Variants in PRKAR1B observed in about 807,000 individuals in gnomAD.
The protein encoded by PRKAR1B is protein kinase cAMP-dependent type I regulatory subunit beta.
PRKAR1B carries 22 observed loss-of-function variants against 46.5 expected under a neutral mutation model. The observed-to-expected ratio is 0.47, with a 90% confidence interval of 0.34 to 0.68. The LOEUF is 0.68. PRKAR1B is among the 30% of genes least tolerant of loss of function. The pLI, the probability that PRKAR1B is intolerant of heterozygous loss-of-function variation, is 0.01. For synonymous variants in PRKAR1B, 259 were observed against 217.7 expected (o/e 1.19, Z -1.67); for missense variants, 445 against 535.6 (o/e 0.83, Z 1.67).
intron 4 of PRKAR1B, among the ~76,000 whole-genome samples, chr7:617,659 C>T (rs1298418397): frequency 1.3e-5 from 2 of 152,160 alleles, no homozygotes; most frequent in African/African-American, 4.8e-5. Flanking sequence ...TCACCCTGGT[C>T]CATTCCAGAT....
intron 4 of PRKAR1B, among the ~76,000 whole-genome samples, chr7:633,008 C>T (rs973465353): frequency 9.2e-5 from 14 of 152,254 alleles, no homozygotes; most frequent in East Asian, 3.8e-4. Flanking sequence ...GCCAGGCGCG[C>T]GGGTCGTAGT....
chr7:556,782 C>A (rs2128422162), intron 9 of PRKAR1B, among the ~76,000 whole-genome samples: 1 of 152,352 alleles, frequency 6.6e-6, no homozygotes, highest in East Asian at 1.9e-4. Flanking sequence ...TCTCCAAACA[C>A]ACCCCAGTAG....
intron 9 of PRKAR1B, 64 bp downstream of exon 9, chr7:579,192 G>C: frequency 6.2e-7 from 1 of 1,611,486 alleles, no homozygotes; most frequent in Non-Finnish European, 8.5e-7. Flanking sequence ...TGGAAGAGGA[G>C]AAGGTAAGAA....
At chr7:692,259 A>G (rs533952060) in intron 2 of PRKAR1B, among the ~76,000 whole-genome samples, 1 of 152,222 alleles carries the variant, frequency 6.6e-6, no homozygotes, top group South Asian at 2.1e-4. Context: ...AATTAGCCAC[A>G]TGTGGTGGCG....
intron 1 of PRKAR1B, among the ~76,000 whole-genome samples, chr7:718,557 A>G (rs556469427): frequency 6.6e-6 from 1 of 151,914 alleles, no homozygotes; most frequent in South Asian, 2.1e-4. Flanking sequence ...GGGTTTGACC[A>G]TGTTGGCCAG....
intron 4 of PRKAR1B, among the ~76,000 whole-genome samples, chr7:622,541 C>T (rs534629724): frequency 6.6e-5 from 10 of 152,256 alleles, no homozygotes; most frequent in African/African-American, 2.2e-4. Flanking sequence ...CATGTCTGAT[C>T]TTTAGTTTTT....
At chr7:556,435 G>C (rs150296548) in intron 9 of PRKAR1B, among the ~76,000 whole-genome samples, 1,535 of 151,728 alleles carry the variant, frequency 0.01, 29 homozygotes, top group African/African-American at 0.035. Context: ...CGGATAATTA[G>C]AAGGGCCTCT....
At chr7:693,539 T>C (rs1036565343) in intron 2 of PRKAR1B, among the ~76,000 whole-genome samples, 6 of 152,148 alleles carry the variant, frequency 3.9e-5, no homozygotes, top group Non-Finnish European at 5.9e-5. Flanking sequence ...TTCACTGGCA[T>C]TACGTGTCCC....
intron 4 of PRKAR1B, among the ~76,000 whole-genome samples, chr7:626,719 C>CTT (rs1242823672): frequency 6.9e-6 from 1 of 144,442 alleles, no homozygotes; most frequent in Admixed American, 6.9e-5. Context: ...ATAAAGTGAA[C>CTT]TTTTTTTTTT....
intron 9 of PRKAR1B, among the ~76,000 whole-genome samples, chr7:558,708 C>T (rs896410314): frequency 9.3e-5 from 14 of 150,632 alleles, no homozygotes; most frequent in South Asian, 2.1e-4. Flanking sequence ...GCCGAGATTG[C>T]GCCACTGCAC....
At chr7:554,794 G>T (rs28459656) in intron 9 of PRKAR1B, among the ~76,000 whole-genome samples, 1 of 138,534 alleles carries the variant, frequency 7.2e-6, no homozygotes, top group African/African-American at 2.7e-5. Context: ...CCACAGAGCC[G>T]GAAGACAGGG....
At chr7:587,695 T>C (rs781288766) in intron 7 of PRKAR1B, among the ~76,000 whole-genome samples, 35 of 151,846 alleles carry the variant, frequency 2.3e-4, no homozygotes, top group African/African-American at 4.6e-4. Flanking sequence ...CGAGTGAGCA[T>C]AGGGGAGGCA....
chr7:682,065 G>A (rs1199032269), intron 2 of PRKAR1B, among the ~76,000 whole-genome samples: 1 of 152,050 alleles, frequency 6.6e-6, no homozygotes, highest in African/African-American at 2.4e-5. Context: ...GAAGAAGGGA[G>A]GAGGGAGCAG....
intron 4 of PRKAR1B, among the ~76,000 whole-genome samples, chr7:640,394 A>T (rs1459798901): frequency 6.6e-6 from 1 of 152,190 alleles, no homozygotes; most frequent in Admixed American, 6.6e-5. Context: ...CATTTTACCA[A>T]AGAAGTTAAA....
chr7:687,762 G>T (rs1021897909), intron 2 of PRKAR1B, among the ~76,000 whole-genome samples: 3 of 152,086 alleles, frequency 2.0e-5, no homozygotes, highest in African/African-American at 7.2e-5. Context: ...TAAACCGCAG[G>T]AGCTAAAGAC....
rs1783811086 is a variant in PRKAR1B, at chr7:632,458, G to A, written c.441-25006C>T. On this transcript the variant is annotated intron_variant, in intron 4 of 10. Coordinates refer to ENST00000537384, the MANE Select transcript of PRKAR1B (RefSeq NM_001164760.2). The stretch of plus-strand genomic sequence containing the variant: ...CGGGGGGGTCTTCCCACTGCCCCTG[G>A]CTCAGCTCAGGACGGCCACTGCGTC... Among the ~76,000 whole-genome samples, 3 of 152,206 alleles carry A rather than the reference G, an allele frequency of 2.0e-5. No individual in the cohort carries two copies. The South Asian group carries it at 6.2e-4, about 31-fold the overall frequency.
At chr7:618,387 T>A (rs1213291276) in intron 4 of PRKAR1B, among the ~76,000 whole-genome samples, 1 of 152,214 alleles carries the variant, frequency 6.6e-6, no homozygotes, top group Non-Finnish European at 1.5e-5. Flanking sequence ...CATTTATTCC[T>A]CTCTTCCCAT....
chr7:590,141 G>A (rs557772589), intron 7 of PRKAR1B, among the ~76,000 whole-genome samples: 1 of 152,242 alleles, frequency 6.6e-6, no homozygotes, highest in Non-Finnish European at 1.5e-5. Flanking sequence ...GCACTCTGCT[G>A]TGCAGCCCCA....
chr7:690,073 G>A (rs1779327596), intron 2 of PRKAR1B, among the ~76,000 whole-genome samples: 1 of 151,710 alleles, frequency 6.6e-6, no homozygotes, highest in Admixed American at 6.6e-5. Flanking sequence ...AAGGCAGGAG[G>A]ATCACTTGAG....
Sources: allele counts gnomAD v4.1 joint callset (sites outside exome capture counted in the v4.1 genomes callset), GRCh38; gene constraint gnomAD v4.1.1; transcripts MANE v1.5; gene names NCBI Gene and HGNC (gene_info 2026-07-23, HGNC 2026-07-21).